The following DENND5B variants were observed in gnomAD, a reference collection of about 807,000 sequenced individuals.
DENND5B encodes DENN domain containing 5B.
A neutral mutation model predicts 140.6 loss-of-function variants in DENND5B; 34 were observed. That is an observed-to-expected ratio of 0.24 (90% CI 0.18 to 0.32). The LOEUF (loss-of-function observed/expected upper bound fraction) is 0.32. Ranked by LOEUF, DENND5B falls within the 10% of genes least tolerant of loss-of-function variation. DENND5B has a pLI of 1.00. For missense variants in DENND5B, 1,142 were observed against 1,560.2 expected (o/e 0.73, Z 4.52); for synonymous variants, 551 against 562.1 (o/e 0.98, Z 0.28).
chr12:31,529,403 A>G (rs1948204027), intron 1 of DENND5B, among the ~76,000 whole-genome samples: 1 of 152,164 alleles, frequency 6.6e-6, no homozygotes, highest in South Asian at 2.1e-4. Flanking sequence ...GTTCCCCTCA[A>G]TTTAAAAATG....
chr12:31,497,469 C>A (rs1323653118), intron 1 of DENND5B, among the ~76,000 whole-genome samples: 1 of 151,744 alleles, frequency 6.6e-6, no homozygotes, highest in East Asian at 2.0e-4. Flanking sequence ...ATGTAAGCAT[C>A]AAAAAGTCAG....
chr12:31,578,678 G>A lies in DENND5B; in HGVS notation c.127+12028C>T, dbSNP rs185952086. Among the ~76,000 whole-genome samples, 236 of 152,260 alleles carry A rather than the reference G, an allele frequency of 1.5e-3. 2 individuals are homozygous for A. The highest frequency in any genetic ancestry group is 5.4e-3 in the African/African-American group (226 of 41,540). ...TCATAACCTCAGTATGTCTACTACT[G>A]TTAATAATTACTTGTGACCTAGCTC... On this transcript the variant is annotated intron_variant, in intron 1 of 20. Transcript: ENST00000389082.
At chr12:31,400,186 T>C (rs990076512) in intron 15 of DENND5B, among the ~76,000 whole-genome samples, 2 of 152,170 alleles carry the variant, frequency 1.3e-5, no homozygotes, top group African/African-American at 4.8e-5. Flanking sequence ...AAGAAAACAA[T>C]TATAGATTTT....
intron 1 of DENND5B, among the ~76,000 whole-genome samples, chr12:31,519,379 G>C (rs1419258343): frequency 6.6e-6 from 1 of 152,166 alleles, no homozygotes; most frequent in Non-Finnish European, 1.5e-5. Flanking sequence ...ATGACACCTT[G>C]AGTAGATATA....
intron 1 of DENND5B, among the ~76,000 whole-genome samples, chr12:31,524,719 G>GA (rs5797415): frequency 0.57 from 86,088 of 150,982 alleles, 24,943 homozygotes; most frequent in East Asian, 0.82. Context: ...CAAAGAAAAA[G>GA]AAAAAAAAAG....
rs953735856 is a variant in DENND5B at position 31,590,853 on chromosome 12, GGCCGCC to G, written c.-27_-22del. ...CTCATCCCGGCCGCGCTGCTCCAGG[GGCCGCC>G]GCCGCCGCCGCCCGGGAAGGCTTTC... is the stretch of plus-strand genomic sequence containing the variant. On this transcript the variant is annotated 5_prime_UTR_variant, in exon 1 of 21. Transcript: ENST00000389082. The G allele has an allele frequency of 1.2e-5, 14 of 1,204,788 alleles. No individual in the cohort carries two copies. In the South Asian group the frequency reaches 1.6e-4, roughly 14 times the overall value. 74.6% of individuals were successfully genotyped at this position (1,204,788 alleles called of 1,614,324 possible).
intron 1 of DENND5B, among the ~76,000 whole-genome samples, chr12:31,505,231 G>A (rs1215469202): frequency 7.1e-6 from 1 of 141,316 alleles, no homozygotes; most frequent in Admixed American, 8.0e-5. Flanking sequence ...GTATAAGACA[G>A]AATTTGCCTT....
intron 14 of DENND5B, among the ~76,000 whole-genome samples, chr12:31,407,822 T>C (rs1367808728): frequency 6.6e-6 from 1 of 152,192 alleles, no homozygotes; most frequent in East Asian, 1.9e-4. Context: ...GAGACCTTTA[T>C]TATGTAAGTG....
At chr12:31,414,411 T>A (rs1184716409) in intron 12 of DENND5B, among the ~76,000 whole-genome samples, 4 of 152,234 alleles carry the variant, frequency 2.6e-5, no homozygotes, top group Non-Finnish European at 4.4e-5. Flanking sequence ...TAAATCTACC[T>A]GATTGCAATT....
At chr12:31,567,336 T>G (rs978600117) in intron 1 of DENND5B, among the ~76,000 whole-genome samples, 1 of 150,236 alleles carries the variant, frequency 6.7e-6, no homozygotes, top group Non-Finnish European at 1.5e-5. Context: ...AAAAAGAAGT[T>G]GCCAAATTCA....
At chr12:31,505,060 T>C (rs1947143029) in intron 1 of DENND5B, among the ~76,000 whole-genome samples, 1 of 152,192 alleles carries the variant, frequency 6.6e-6, no homozygotes, top group Admixed American at 6.5e-5. Flanking sequence ...GGGGTTGTTA[T>C]TACAGCAGTT....
intron 1 of DENND5B, among the ~76,000 whole-genome samples, chr12:31,580,304 G>A (rs1050028148): frequency 6.6e-6 from 1 of 151,918 alleles, no homozygotes; most frequent in Non-Finnish European, 1.5e-5. Flanking sequence ...TTTATTTACC[G>A]TATCTTATTT....
At chr12:31,471,313 C>T (rs1432417688) in intron 3 of DENND5B, among the ~76,000 whole-genome samples, 1 of 152,000 alleles carries the variant, frequency 6.6e-6, no homozygotes, top group African/African-American at 2.4e-5. Flanking sequence ...TTGTTGTTTC[C>T]ACATAATTTT....
chr12:31,393,574 A>T (rs1941263484), intron 17 of DENND5B, among the ~76,000 whole-genome samples: 1 of 152,240 alleles, frequency 6.6e-6, no homozygotes, highest in South Asian at 2.1e-4. Flanking sequence ...AAAGGTATAT[A>T]GTTCAGATTT....
At chr12:31,504,711 C>T (rs558278339) in intron 1 of DENND5B, among the ~76,000 whole-genome samples, 1 of 152,294 alleles carries the variant, frequency 6.6e-6, no homozygotes, top group South Asian at 2.1e-4. Flanking sequence ...AAAGCTAAGT[C>T]TCACACTATT....
chr12:31,400,736 T>A (rs556109600), intron 15 of DENND5B, among the ~76,000 whole-genome samples: 1 of 152,342 alleles, frequency 6.6e-6, no homozygotes, highest in Admixed American at 6.5e-5. Flanking sequence ...TTAGTTATTT[T>A]AAAATGTACA....
chr12:31,590,617 T>C lies in DENND5B; in HGVS notation c.127+89A>G, dbSNP rs989390125. ...AGGGCGCCACCGGGAGCTGACTTTG[T>C]CTGGAGCCTGCACCCCGCCTCCCGC... On this transcript the variant is annotated intron_variant, in intron 1 of 20. Coordinates refer to ENST00000389082, the MANE Select transcript of DENND5B (RefSeq NM_144973.4). The C allele has an allele frequency of 1.4e-5, 19 of 1,346,666 alleles. No homozygotes were observed. In the African/African-American group the frequency reaches 2.5e-4, roughly 18 times the overall value. 83.4% of individuals were successfully genotyped at this position (1,346,666 alleles called of 1,614,324 possible). A position where few individuals can be genotyped will look rare whatever the true frequency, so the allele number is the denominator to read the frequency against.
chr12:31,566,852 A>G (rs2139367706), intron 1 of DENND5B, among the ~76,000 whole-genome samples: 1 of 152,298 alleles, frequency 6.6e-6, no homozygotes, highest in Admixed American at 6.5e-5. Context: ...ACATTTTTCT[A>G]TGGTAGTACC....
chr12:31,438,990 A>G (rs1471874956), intron 7 of DENND5B, among the ~76,000 whole-genome samples: 1 of 152,230 alleles, frequency 6.6e-6, no homozygotes, highest in African/African-American at 2.4e-5. Context: ...GTGGAACAAA[A>G]TGGCCTACTT....
Sources: gnomAD v4.1 joint callset for allele counts (sites outside exome capture counted in the v4.1 genomes callset) on GRCh38, gnomAD v4.1.1 for gene constraint, MANE v1.5 for transcripts, NCBI Gene and HGNC (gene_info 2026-07-23, HGNC 2026-07-21) for gene names.